SORT1: variants seen among roughly 807,000 people sequenced by gnomAD.
SORT1 encodes the protein sortilin.
SORT1 carries 39 observed loss-of-function variants against 101.7 expected under a neutral mutation model. The ratio of observed to expected loss-of-function variants is 0.38; its 90% CI spans 0.30 to 0.50. SORT1 has a LOEUF of 0.50. Ranked by LOEUF, SORT1 falls within the 20% of genes least tolerant of loss-of-function variation. The pLI, the probability that SORT1 is intolerant of heterozygous loss-of-function variation, is 0.90. For synonymous variants in SORT1, 396 were observed against 393.7 expected (o/e 1.01, Z -0.07); for missense variants, 878 against 1,040.4 (o/e 0.84, Z 2.15).
chr1:109,327,194 T>C lies in SORT1; in HGVS notation c.1475-34A>G, dbSNP rs778544850. ...TAATCCACCATCTCATTAGCACAAA[T>C]AGGCAATGAAACAGAGAGCATTTAC... On this transcript the variant is annotated intron_variant, in intron 12 of 19. Transcript: ENST00000256637. The C allele has an allele frequency of 3.9e-6, 6 of 1,540,572 alleles. No homozygotes were observed. In the African/African-American group the frequency reaches 4.1e-5, roughly 11 times the overall value.
chr1:109,357,128 C>G (rs907163190), intron 3 of SORT1, among the ~76,000 whole-genome samples: 1 of 152,228 alleles, frequency 6.6e-6, no homozygotes, highest in Non-Finnish European at 1.5e-5. Flanking sequence ...TACTGTGTTA[C>G]AGCTGCCTAC....
intron 1 of SORT1, among the ~76,000 whole-genome samples, chr1:109,393,931 TTTAA>T (rs1409079175): frequency 3.3e-5 from 5 of 151,994 alleles, no homozygotes; most frequent in African/African-American, 1.2e-4. Flanking sequence ...CACACACTCA[TTTAA>T]TTCTCACAAC....
Position 109,313,899 on chromosome 1 carries a change from A to G in SORT1, c.*144T>C, listed in dbSNP as rs1247246079. 7.8e-6 allele frequency: 4 copies of G among 513,284 alleles called. No homozygotes were observed. Among genetic ancestry groups the G allele is most frequent in the Non-Finnish European group, 1.4e-5 (4 of 292,362 alleles). 31.8% of individuals were successfully genotyped at this position (513,284 alleles called of 1,614,324 possible). A position where few individuals can be genotyped will look rare whatever the true frequency, so the allele number is the denominator to read the frequency against. On this transcript the variant is annotated 3_prime_UTR_variant, in exon 20 of 20. Transcript: ENST00000256637. ...CCCCCACCCTGCATTTCTTTAGTGT[A>G]GGTCCTTTTGGCTTTGATGGAAGCA...
intron 1 of SORT1, among the ~76,000 whole-genome samples, chr1:109,369,955 C>A (rs1021041043): frequency 6.6e-6 from 1 of 152,160 alleles, no homozygotes; most frequent in East Asian, 1.9e-4. Flanking sequence ...CCCACACTGG[C>A]AGGCGTAATT....
intron 8 of SORT1, among the ~76,000 whole-genome samples, chr1:109,342,832 A>C (rs1057304412): frequency 2.0e-5 from 3 of 152,142 alleles, no homozygotes; most frequent in Non-Finnish European, 2.9e-5. Flanking sequence ...TAACTCTCTG[A>C]TAAATAGCTT....
chr1:109,327,019 T>C lies in SORT1; in HGVS notation c.1616A>G (p.His539Arg). The part of the protein sequence containing the change: ...DSGGIIVAIE[H>R]SSRPINVIKF... ...AATCACATTGATAGGACGGCTGCTG[T>C]GCTCAATGGCCACAATGATGCCTCC... The change falls in exon 13 of 20, where the codon CAC (histidine) becomes CGC (arginine). Residue 539 changes from histidine to arginine, a missense_variant. This residue lies in a region of SORT1 where 684 missense variants were observed against 894.5 expected (regional missense o/e 0.76). Coordinates refer to ENST00000256637, the MANE Select transcript of SORT1 (RefSeq NM_002959.7). 2.5e-6 allele frequency: 4 copies of C among 1,612,366 alleles called. No individual in the cohort carries two copies. The highest frequency in any genetic ancestry group is 2.5e-6 in the Non-Finnish European group (3 of 1,179,920).
chr1:109,390,648 G>C (rs187590074), intron 1 of SORT1, among the ~76,000 whole-genome samples: 1 of 151,898 alleles, frequency 6.6e-6, no homozygotes, highest in East Asian at 1.9e-4. Context: ...GGGAATTATT[G>C]AAGTTAATAC....
chr1:109,363,870 C>T (rs189988852), intron 3 of SORT1, among the ~76,000 whole-genome samples: 23 of 152,304 alleles, frequency 1.5e-4, no homozygotes, highest in African/African-American at 4.8e-4. Context: ...TTCCCTTTCT[C>T]ATTTCTGAAA....
At chr1:109,392,997 T>G (rs1475638611) in intron 1 of SORT1, 3 of 985,330 alleles carry the variant, frequency 3.0e-6, no homozygotes, top group Non-Finnish European at 3.6e-6. Flanking sequence ...ATGAGGCAGT[T>G]AGGAAGTTCC....
At chr1:109,380,739 G>A (rs969134590) in intron 1 of SORT1, among the ~76,000 whole-genome samples, 1 of 146,070 alleles carries the variant, frequency 6.8e-6, no homozygotes, top group African/African-American at 2.5e-5. Context: ...GGCTTTGGGA[G>A]GCCAAGGCGG....
At chr1:109,389,835 G>A (rs575419265) in intron 1 of SORT1, 2 of 152,412 alleles carry the variant, frequency 1.3e-5, no homozygotes, top group South Asian at 4.1e-4. Context: ...GCCGGCCTCT[G>A]AAAGGGGAAC....
At chr1:109,335,900 G>A (rs566219791) in intron 11 of SORT1, among the ~76,000 whole-genome samples, 3 of 152,284 alleles carry the variant, frequency 2.0e-5, no homozygotes, top group South Asian at 2.1e-4. Context: ...GTGGAGCTGC[G>A]GCTTCTTGCA....
chr1:109,356,341 T>G (rs1422767918), intron 3 of SORT1, among the ~76,000 whole-genome samples: 1 of 152,190 alleles, frequency 6.6e-6, no homozygotes, highest in Non-Finnish European at 1.5e-5. Flanking sequence ...ACCCCAATGA[T>G]GCAGTATGTG....
chr1:109,340,625 C>T, intron 10 of SORT1, 99 bp downstream of exon 10: 1 of 1,233,788 alleles, frequency 8.1e-7, no homozygotes, highest in Non-Finnish European at 1.2e-6. Context: ...GGCTTGTTGG[C>T]TTGGCAAGCA....
intron 15 of SORT1, among the ~76,000 whole-genome samples, chr1:109,322,126 C>A (rs1011773421): frequency 6.6e-6 from 1 of 151,032 alleles, no homozygotes; most frequent in African/African-American, 2.4e-5. Flanking sequence ...TTGTTTGAGA[C>A]AGGGTCTCAT....
intron 11 of SORT1, among the ~76,000 whole-genome samples, chr1:109,329,072 C>T (rs894607772): frequency 9.8e-5 from 15 of 152,334 alleles, no homozygotes; most frequent in African/African-American, 2.4e-4. Flanking sequence ...CCAGGCCCAC[C>T]TACCTGCAGA....
intron 5 of SORT1, among the ~76,000 whole-genome samples, chr1:109,351,388 A>G (rs1376944320): frequency 6.6e-6 from 1 of 152,204 alleles, no homozygotes; most frequent in Non-Finnish European, 1.5e-5. Context: ...GGAGAGGAGG[A>G]ACATTGCATC....
intron 1 of SORT1, among the ~76,000 whole-genome samples, chr1:109,380,260 T>A (rs1414662831): frequency 2.0e-5 from 3 of 152,066 alleles, no homozygotes; most frequent in African/African-American, 7.2e-5. Context: ...ACCACTGTAC[T>A]CCAGCCTGGG....
intron 1 of SORT1, among the ~76,000 whole-genome samples, chr1:109,396,683 C>G (rs1653195204): frequency 6.6e-6 from 1 of 152,106 alleles, no homozygotes; most frequent in Non-Finnish European, 1.5e-5. Context: ...CATCTCTGCC[C>G]CCAAGTGCAA....
Sources: gnomAD v4.1 joint callset for allele counts (sites outside exome capture counted in the v4.1 genomes callset) on GRCh38, gnomAD v4.1.1 for gene constraint, gnomAD v4.1.1 regional missense constraint, MANE v1.5 for transcripts, NCBI Gene and HGNC (gene_info 2026-07-23, HGNC 2026-07-21) for gene names.